The following ENTPD7 variants were observed in gnomAD, a reference collection of about 807,000 sequenced individuals.
ENTPD7 encodes ectonucleoside triphosphate diphosphohydrolase 7, also known as NTPDase 7.
In ENTPD7, 53 loss-of-function variants were observed where a neutral mutation model predicts 77.9. That is an observed-to-expected ratio of 0.68 (90% CI 0.55 to 0.85). ENTPD7 has a LOEUF of 0.85. ENTPD7 is among the 40% of genes least tolerant of loss of function. The probability of loss-of-function intolerance (pLI) is 0.00; values close to 1 mark genes in which losing one functional copy is unlikely to be tolerated. For missense variants in ENTPD7, 636 were observed against 743.7 expected, an observed-to-expected ratio of 0.86 and a Z score of 1.68; for synonymous variants, 248 against 274.9, an observed-to-expected ratio of 0.90 and a Z score of 0.97.
In ENTPD7 at chr10:99,661,476, C is replaced by T; in HGVS notation, c.39C>T (p.Ser13=). The T allele has an allele frequency of 3.1e-6, 5 of 1,609,574 alleles. No individual in the cohort carries two copies. Among genetic ancestry groups the T allele is most frequent in the Non-Finnish European group, 4.2e-6 (5 of 1,178,576 alleles). The part of the protein sequence containing the change: ...RISFSYLCPA[S]WYFTVPTVSP... ...GTTTTTCCTACCTCTGCCCAGCCTC[C>T]TGGTACTTCACTGTGCCCACAGTGA... The change falls in exon 3 of 13, where the codon TCC becomes TCT. Residue 13 remains serine (S), a synonymous_variant. Coordinates refer to ENST00000370489, the MANE Select transcript of ENTPD7 (RefSeq NM_020354.5).
At chr10:99,689,343 T>A (rs4919383) in intron 7 of ENTPD7, among the ~76,000 whole-genome samples, 127,929 of 152,078 alleles carry the variant, frequency 0.84, 54,048 homozygotes, top group Middle Eastern at 0.92. Context: ...ATATGTCTCT[T>A]TAGTCTCTTT....
chr10:99,690,409 C>T (rs2133477096), intron 7 of ENTPD7, among the ~76,000 whole-genome samples: 1 of 152,220 alleles, frequency 6.6e-6, no homozygotes, highest in African/African-American at 2.4e-5. Context: ...ATTTCTGACT[C>T]ATATGTAAGA....
Position 99,691,393 on chromosome 10 carries a change from GCT to G in ENTPD7, c.719_720del (p.Ala240GlyfsTer29). 6.2e-7 allele frequency: 1 copy of G among 1,613,324 alleles called. No individual in the cohort carries two copies. The highest frequency in any genetic ancestry group is 8.5e-7 in the Non-Finnish European group (1 of 1,179,674). ...GRFDHEDESD[A>X]EATQELAAGR... ...TCTCTTATTTATTTCAGAATCAGAT[GCT>G]GAGGCTACCCAGGAATTGGCAGCAG... On this transcript the variant is annotated frameshift_variant, in exon 8 of 13. Coordinates refer to ENST00000370489, the MANE Select transcript of ENTPD7 (RefSeq NM_020354.5). LOFTEE classifies it high-confidence loss of function.
chr10:99,676,537 T>C (rs1047834572), intron 3 of ENTPD7, among the ~76,000 whole-genome samples: 1 of 152,192 alleles, frequency 6.6e-6, no homozygotes. Context: ...AATAGAAAGA[T>C]TGCTATGATT....
intron 8 of ENTPD7, among the ~76,000 whole-genome samples, chr10:99,693,290 A>G (rs186463671): frequency 6.6e-6 from 1 of 152,148 alleles, no homozygotes; most frequent in African/African-American, 2.4e-5. Flanking sequence ...TCAATTTTGG[A>G]TATATTGAGT....
rs2036320471 is a variant in ENTPD7, at chr10:99,709,576, A to G, written c.*4893A>G. Reference sequence around the variant, plus strand: ...TTAATACTATAGAATAGCAACAGTGAATATACCTCAAATTGAAAACTTTTA... The same window carrying G: ...TTAATACTATAGAATAGCAACAGTGGATATACCTCAAATTGAAAACTTTTA... On this transcript the variant is annotated 3_prime_UTR_variant, in exon 13 of 13. Coordinates refer to ENST00000370489, the MANE Select transcript of ENTPD7 (RefSeq NM_020354.5). 1 of 983,942 alleles carries G rather than the reference A, an allele frequency of 1.0e-6. No homozygotes were observed. Among genetic ancestry groups the G allele is most frequent in the South Asian group, 4.7e-5 (1 of 21,254 alleles). The allele number at this position is 983,942 out of a possible 1,614,324, so 61.0% of individuals were successfully genotyped here.
chr10:99,693,953 T>C (rs963233613), intron 8 of ENTPD7, among the ~76,000 whole-genome samples: 3 of 151,784 alleles, frequency 2.0e-5, no homozygotes, highest in African/African-American at 7.3e-5. Context: ...CATAGCAATA[T>C]AATGGCTCTT....
chr10:99,669,014 C>T (rs990905914), intron 3 of ENTPD7, among the ~76,000 whole-genome samples: 4 of 150,902 alleles, frequency 2.7e-5, no homozygotes, highest in African/African-American at 9.7e-5. Flanking sequence ...AGGAACACTA[C>T]ATGCATTCTT....
rs2036272948 is a variant in ENTPD7 at position 99,707,323 on chromosome 10, G to T, written c.*2640G>T. On this transcript the variant is annotated 3_prime_UTR_variant, in exon 13 of 13. Transcript: ENST00000370489. ...AACTGAATATTTATTATTGGTATGG[G>T]CTCCTTTGTTTATTCTCTTCTCCCA... Among the ~76,000 whole-genome samples, 1 of 152,010 alleles carries T rather than the reference G, an allele frequency of 6.6e-6. No homozygotes were observed. The highest frequency in any genetic ancestry group is 1.5e-5 in the Non-Finnish European group (1 of 67,998).
chr10:99,703,107 A>T lies in ENTPD7; in HGVS notation c.1583+434A>T, dbSNP rs371713857. 1.7e-4 allele frequency among the ~76,000 whole-genome samples: 26 copies of T among 152,350 alleles called. No individual in the cohort carries two copies. In the East Asian group the frequency reaches 1.9e-3, roughly 11 times the overall value. On this transcript the variant is annotated intron_variant, in intron 12 of 12. Coordinates refer to ENST00000370489, the MANE Select transcript of ENTPD7 (RefSeq NM_020354.5). ...ACAGAGGCACTCCAGACATTGTGTC[A>T]TTGACTTAGAAGGCTTTTTGGTGGG...
At chr10:99,701,144 G>C (rs2036114594) in intron 11 of ENTPD7, 86 bp downstream of exon 11, 1 of 1,180,096 alleles carries the variant, frequency 8.5e-7, no homozygotes, top group Non-Finnish European at 1.3e-6. Flanking sequence ...ATGCAGATTA[G>C]ATTTCATGTT....
chr10:99,710,371 C>T lies in ENTPD7; in HGVS notation c.*5688C>T. ...TTTAGTTGAAGTCCTGAAGTACATG[C>T]CATGTACTCCCCCTTTATTTCTACC... is the stretch of plus-strand genomic sequence containing the variant. On this transcript the variant is annotated 3_prime_UTR_variant, in exon 13 of 13. Coordinates refer to ENST00000370489, the MANE Select transcript of ENTPD7 (RefSeq NM_020354.5). 1.0e-6 allele frequency: 1 copy of T among 985,256 alleles called. No homozygotes were observed. The highest frequency in any genetic ancestry group is 4.7e-5 in the South Asian group (1 of 21,282). The allele number at this position is 985,256 out of a possible 1,614,324, so 61.0% of individuals were successfully genotyped here.
intron 3 of ENTPD7, among the ~76,000 whole-genome samples, chr10:99,668,078 G>T (rs1025981425): frequency 6.6e-6 from 1 of 151,610 alleles, no homozygotes; most frequent in East Asian, 1.9e-4. Context: ...GGGATTACAG[G>T]TGCGCACCAC....
intron 3 of ENTPD7, among the ~76,000 whole-genome samples, chr10:99,674,333 A>G (rs565468508): frequency 6.6e-6 from 1 of 152,330 alleles, no homozygotes; most frequent in South Asian, 2.1e-4. Flanking sequence ...TATGGTTCAA[A>G]CATATACAAT....
intron 8 of ENTPD7, 143 bp from the exon 9 acceptor site, chr10:99,695,813 A>C: frequency 1.4e-6 from 1 of 722,310 alleles, no homozygotes; most frequent in Non-Finnish European, 2.1e-6. Context: ...CTTTGTTTAA[A>C]ATAATGCTAT....
At chr10:99,685,771 A>G in intron 5 of ENTPD7, 21 bp from the exon 6 acceptor site, 1 of 1,595,894 alleles carries the variant, frequency 6.3e-7, no homozygotes, top group Non-Finnish European at 8.6e-7. Flanking sequence ...TAACTTTGGG[A>G]TTTTTTGTTC....
chr10:99,676,121 C>G (rs774541129), intron 3 of ENTPD7, among the ~76,000 whole-genome samples: 3 of 151,792 alleles, frequency 2.0e-5, no homozygotes, highest in African/African-American at 7.3e-5. Flanking sequence ...GAAGTAAATG[C>G]GAGAATCTAG....
At position 99,674,963 on chromosome 10, in the gene ENTPD7, A is replaced by G. The variant is rs116477626; in HGVS notation, c.192-4298A>G. Among the ~76,000 whole-genome samples, 1,064 of 152,348 alleles carry G rather than the reference A, an allele frequency of 7.0e-3. 17 individuals carry two copies. The highest frequency in any genetic ancestry group is 0.023 in the African/African-American group (955 of 41,574). ...TATTCTATGTGATGAAAGGGGAAAT[A>G]GGTATTAAGCACTTCTGCTATATGC... is the stretch of plus-strand genomic sequence containing the variant. On this transcript the variant is annotated intron_variant, in intron 3 of 12. Transcript: ENST00000370489.
At chr10:99,667,313 T>C (rs1021639333) in intron 3 of ENTPD7, among the ~76,000 whole-genome samples, 5 of 152,226 alleles carry the variant, frequency 3.3e-5, no homozygotes, top group African/African-American at 1.2e-4. Context: ...GAGGGTTTGC[T>C]GTGTCGATGA....
Sources: allele counts gnomAD v4.1 joint callset (sites outside exome capture counted in the v4.1 genomes callset), GRCh38; gene constraint gnomAD v4.1.1; transcripts MANE v1.5; gene names NCBI Gene and HGNC (gene_info 2026-07-23, HGNC 2026-07-21).